The following GALNTL6 variants were observed in gnomAD, a reference collection of about 807,000 sequenced individuals.
The protein encoded by GALNTL6 is polypeptide N-acetylgalactosaminyltransferase like 6.
GALNTL6 carries 46 observed loss-of-function variants against 73.7 expected under a neutral mutation model. The observed-to-expected ratio is 0.62, with a 90% CI of 0.49 to 0.80. GALNTL6 has a LOEUF of 0.80. Among genes scored for constraint, GALNTL6 ranks in the 30% least tolerant of loss-of-function variants. The pLI, the probability that GALNTL6 is intolerant of heterozygous loss-of-function variation, is 0.00. For missense variants in GALNTL6, 604 were observed against 755.0 expected, an observed-to-expected ratio of 0.80 and a Z score of 2.34; for synonymous variants, 259 against 263.7, an observed-to-expected ratio of 0.98 and a Z score of 0.17.
intron 2 of GALNTL6, among the ~76,000 whole-genome samples, chr4:171,985,283 T>C (rs1418880041): frequency 1.3e-5 from 2 of 152,188 alleles, no homozygotes; most frequent in Non-Finnish European, 2.9e-5. Context: ...ACGTCTCACA[T>C]GGCAGCAAGC....
At chr4:172,329,846 G>C (rs1741066910) in intron 4 of GALNTL6, among the ~76,000 whole-genome samples, 1 of 152,186 alleles carries the variant, frequency 6.6e-6, no homozygotes, top group Non-Finnish European at 1.5e-5. Context: ...GGTGGCTAGT[G>C]ACCCCAGCCA....
At chr4:171,985,946 G>A (rs1369176197) in intron 2 of GALNTL6, among the ~76,000 whole-genome samples, 1 of 144,920 alleles carries the variant, frequency 6.9e-6, no homozygotes, top group Non-Finnish European at 1.5e-5. Context: ...GCTGAGGCAG[G>A]AGAATTGCTT....
At chr4:172,503,343 T>G (rs1254313849) in intron 5 of GALNTL6, among the ~76,000 whole-genome samples, 1 of 152,030 alleles carries the variant, frequency 6.6e-6, no homozygotes, top group Non-Finnish European at 1.5e-5. Flanking sequence ...GCTAATGCAC[T>G]TAGCTCATCA....
At position 172,895,355 on chromosome 4, in the gene GALNTL6, T is replaced by C. The variant is rs1205693300; in HGVS notation, c.1041+12448T>C. ...GTTGCTTTTTACTTTAGTGTATATA[T>C]TATACACTTTTCATTTTTAGTGTTT... On this transcript the variant is annotated intron_variant, in intron 8 of 12. Transcript: ENST00000506823. 3.3e-5 allele frequency among the ~76,000 whole-genome samples: 5 copies of C among 150,442 alleles called. No homozygotes were observed. The East Asian group carries it at 9.7e-4, about 29-fold the overall frequency.
intron 4 of GALNTL6, 89 bp from the exon 5 acceptor site, chr4:172,348,434 G>A: frequency 9.4e-7 from 1 of 1,063,824 alleles, no homozygotes; most frequent in East Asian, 2.4e-5. Flanking sequence ...TGTTTCCACA[G>A]TTGTCTGATA....
At chr4:172,956,980 C>T (rs1348025074) in intron 10 of GALNTL6, among the ~76,000 whole-genome samples, 3 of 152,150 alleles carry the variant, frequency 2.0e-5, no homozygotes, top group African/African-American at 7.2e-5. Context: ...CGAGGAATTA[C>T]GTCTGACAGA....
At chr4:172,868,481 A>G (rs1744769414) in intron 7 of GALNTL6, among the ~76,000 whole-genome samples, 1 of 152,248 alleles carries the variant, frequency 6.6e-6, no homozygotes, top group African/African-American at 2.4e-5. Flanking sequence ...CTGCCTTTTT[A>G]TAACAGAGAA....
rs147842737 is a variant in GALNTL6 at position 172,335,044 on chromosome 4, G to A, written c.387-13479G>A. Reference sequence around the variant, plus strand: ...CGCCCAGGCTGGAGTGCAGTGGCACGATCTCTGCCCACTGCAAGCTCCGCC... The same window carrying A: ...CGCCCAGGCTGGAGTGCAGTGGCACAATCTCTGCCCACTGCAAGCTCCGCC... On this transcript the variant is annotated intron_variant, in intron 4 of 12. Transcript: ENST00000506823. Among the ~76,000 whole-genome samples the A allele has an allele frequency of 8.0e-5, 12 of 150,382 alleles. No individual in the cohort carries two copies. The East Asian group carries it at 1.4e-3, about 17-fold the overall frequency.
chr4:172,258,070 T>C (rs999649726), intron 3 of GALNTL6, among the ~76,000 whole-genome samples: 1 of 151,318 alleles, frequency 6.6e-6, no homozygotes, highest in African/African-American at 2.4e-5. Flanking sequence ...GTTGATATTC[T>C]ATAATCATTT....
At chr4:172,629,541 T>TA (rs1739305684) in intron 5 of GALNTL6, among the ~76,000 whole-genome samples, 1 of 152,186 alleles carries the variant, frequency 6.6e-6, no homozygotes, top group Non-Finnish European at 1.5e-5. Flanking sequence ...TGCATTTAAT[T>TA]AAAATTTCTA....
At chr4:172,266,612 C>G (rs1422773344) in intron 3 of GALNTL6, among the ~76,000 whole-genome samples, 2 of 152,052 alleles carry the variant, frequency 1.3e-5, no homozygotes, top group Non-Finnish European at 2.9e-5. Context: ...ACTAGTTTAC[C>G]TACAATCAAG....
At chr4:172,281,170 C>CA (rs889762702) in intron 3 of GALNTL6, among the ~76,000 whole-genome samples, 3 of 150,802 alleles carry the variant, frequency 2.0e-5, no homozygotes, top group African/African-American at 2.4e-5. Flanking sequence ...GACTCCGTCT[C>CA]AAAAAAAACA....
At chr4:172,332,351 T>C (rs1201034402) in intron 4 of GALNTL6, among the ~76,000 whole-genome samples, 1 of 152,154 alleles carries the variant, frequency 6.6e-6, no homozygotes, top group Non-Finnish European at 1.5e-5. Context: ...AATACATTTT[T>C]AAGCATAGGC....
At chr4:172,618,376 C>G (rs1408908003) in intron 5 of GALNTL6, among the ~76,000 whole-genome samples, 3 of 152,108 alleles carry the variant, frequency 2.0e-5, no homozygotes, top group Non-Finnish European at 2.9e-5. Context: ...TCCAAGAAAC[C>G]AAGGCACAGA....
At chr4:172,495,382 G>A (rs543127464) in intron 5 of GALNTL6, among the ~76,000 whole-genome samples, 42 of 152,290 alleles carry the variant, frequency 2.8e-4, no homozygotes, top group African/African-American at 9.6e-4. Flanking sequence ...GAAGCGAGGA[G>A]GCTTAATGTA....
intron 5 of GALNTL6, among the ~76,000 whole-genome samples, chr4:172,512,778 C>T (rs1734470059): frequency 6.6e-6 from 1 of 152,206 alleles, no homozygotes; most frequent in South Asian, 2.1e-4. Context: ...ACCCCCATCT[C>T]TTCTAGCTTG....
At chr4:172,525,563 G>T (rs1006382394) in intron 5 of GALNTL6, among the ~76,000 whole-genome samples, 2 of 152,034 alleles carry the variant, frequency 1.3e-5, no homozygotes, top group South Asian at 2.1e-4. Flanking sequence ...TACCTCCAAT[G>T]ATTATAATTT....
chr4:172,917,992 A>T (rs1185561140), intron 8 of GALNTL6, among the ~76,000 whole-genome samples: 1 of 152,250 alleles, frequency 6.6e-6, no homozygotes, highest in African/African-American at 2.4e-5. Context: ...AAGACTTGGA[A>T]CCAACCCAAA....
chr4:172,003,417 A>T (rs763699190), intron 2 of GALNTL6, among the ~76,000 whole-genome samples: 6 of 152,150 alleles, frequency 3.9e-5, no homozygotes, highest in African/African-American at 7.2e-5. Context: ...ATTATTTTAT[A>T]CATTTTATTA....
Sources: allele counts gnomAD v4.1 joint callset (sites outside exome capture counted in the v4.1 genomes callset), GRCh38; gene constraint gnomAD v4.1.1; transcripts MANE v1.5; gene names NCBI Gene and HGNC (gene_info 2026-07-23, HGNC 2026-07-21).